ZNF577: variants seen among roughly 807,000 people sequenced by gnomAD.
ZNF577 encodes zinc finger protein 577.
Under a neutral mutation model 13.9 loss-of-function variants are expected in ZNF577, and 14 were observed. The ratio of observed to expected loss-of-function variants is 1.00; its 90% CI spans 0.66 to 1.57. The LOEUF (loss-of-function observed/expected upper bound fraction) is 1.57. ZNF577 is among the 40% of genes most tolerant of loss of function. The probability of loss-of-function intolerance (pLI) is 0.00; values close to 1 mark genes in which losing one functional copy is unlikely to be tolerated. For synonymous variants in ZNF577, 203 were observed against 202.9 expected (o/e 1.00, Z 0.00); for missense variants, 555 against 579.2 (o/e 0.96, Z 0.43).
At position 51,887,666 on chromosome 19, in the gene ZNF577, C is replaced by T. The variant is rs2084971131; in HGVS notation, c.-1064G>A. On this transcript the variant is annotated 5_prime_UTR_variant, in exon 1 of 6. Coordinates refer to ENST00000638348, the MANE Select transcript of ZNF577 (RefSeq NM_001370449.1). ...CCAAGCACTGGTTCCAATGCGGAGACCATGGGCTCCCAGACTCTGGGAACT... is the reference window on the plus strand; with the variant it reads ...CCAAGCACTGGTTCCAATGCGGAGATCATGGGCTCCCAGACTCTGGGAACT... The T allele has an allele frequency of 6.6e-6, 1 of 152,200 alleles. No homozygotes were observed. The highest frequency in any genetic ancestry group is 6.5e-5 in the Admixed American group (1 of 15,290). 9.4% of individuals were successfully genotyped at this position (152,200 alleles called of 1,614,324 possible).
rs1430850169 is a variant in ZNF577 at position 51,873,186 on chromosome 19, T to A, written c.804A>T (p.Lys268Asn). The change falls in exon 6 of 6, where the codon AAA (lysine) becomes AAT (asparagine). Residue 268 changes from lysine to asparagine, a missense_variant. Lys to Asn is a moderately conservative substitution (Grantham distance 94). Transcript: ENST00000638348. ...NRHQRSHTGEKLYGCSVCGKA... is the reference protein window; with the variant it reads ...NRHQRSHTGENLYGCSVCGKA... ...TCCCACACACACTGCACCCATAGAG[T>A]TTCTCTCCAGTATGTGATCGCTGAT... 1.9e-6 allele frequency: 3 copies of A among 1,614,082 alleles called. No individual in the cohort carries two copies. The highest frequency in any genetic ancestry group is 2.5e-6 in the Non-Finnish European group (3 of 1,180,010).
intron 5 of ZNF577, among the ~76,000 whole-genome samples, chr19:51,875,411 T>G (rs1293274377): frequency 6.9e-6 from 1 of 144,892 alleles, no homozygotes; most frequent in African/African-American, 2.5e-5. Context: ...TGCCCTGGCA[T>G]AGTCAAAAAC....
intron 9 of ZNF577, among the ~76,000 whole-genome samples, chr19:51,836,908 G>A (rs2084290215): frequency 6.6e-6 from 1 of 151,930 alleles, no homozygotes; most frequent in African/African-American, 2.4e-5. Flanking sequence ...TACGGGCATG[G>A]TGGCACGCAC....
In ZNF577 at chr19:51,880,376, T is replaced by C. The variant is rs1490182114; in HGVS notation, c.7A>G (p.Asn3Asp). The C allele has an allele frequency of 1.2e-6, 2 of 1,614,000 alleles. No individual in the cohort carries two copies. The highest frequency in any genetic ancestry group is 3.3e-5 in the Admixed American group (2 of 59,994). Reference sequence around the variant, plus strand: ...CTCACAGACATTACAATCGTGGCATTTTTCATGTGTTTCCTGTTATTTCAG... The same window carrying C: ...CTCACAGACATTACAATCGTGGCATCTTTCATGTGTTTCCTGTTATTTCAG... MKNATIVMSVRRE... is the reference protein window; with the variant it reads MKDATIVMSVRRE... Residue 3 changes from asparagine (N) to aspartate (D), a missense_variant, in exon 3 of 6, where the codon AAT becomes GAT. Transcript: ENST00000638348.
In ZNF577 at chr19:51,880,720, C is replaced by T. The variant is rs2084848731; in HGVS notation, c.-61G>A. The T allele has an allele frequency of 1.3e-5, 4 of 301,718 alleles. No homozygotes were observed. The highest frequency in any genetic ancestry group is 2.2e-5 in the African/African-American group (1 of 45,768). 18.7% of individuals were successfully genotyped at this position (301,718 alleles called of 1,614,324 possible). ...TCGTTCAACTCTTAGGGGCTAGCAACTCTAGTATGTTCTCTCTCTTCTGTC... is the reference window on the plus strand; with the variant it reads ...TCGTTCAACTCTTAGGGGCTAGCAATTCTAGTATGTTCTCTCTCTTCTGTC... On this transcript the variant is annotated 5_prime_UTR_variant, in exon 2 of 6. Coordinates refer to ENST00000638348, the MANE Select transcript of ZNF577 (RefSeq NM_001370449.1).
chr19:51,824,005 C>T lies in ZNF577; in HGVS notation c.*600-12331G>A. 3 of 1,614,072 alleles carry T rather than the reference C, an allele frequency of 1.9e-6. No individual in the cohort carries two copies. The highest frequency in any genetic ancestry group is 2.5e-6 in the Non-Finnish European group (3 of 1,179,988). Reference sequence around the variant, plus strand: ...CTACCATTCCGAATGGTCTCAGTCGCCATGAGAGAAAAATGGCCTTTTGGC... The same window carrying T: ...CTACCATTCCGAATGGTCTCAGTCGTCATGAGAGAAAAATGGCCTTTTGGC... On this transcript the variant is annotated intron_variant and NMD_transcript_variant, in intron 9 of 10. Coordinates refer to the ZNF577 transcript ENST00000638827. The surrounding 1 kb of genome is among the most constrained non-coding windows in gnomAD (Gnocchi z 4.7).
At chr19:51,861,787 A>C (rs967618752) in intron 5 of ZNF577, 5 of 152,618 alleles carry the variant, frequency 3.3e-5, no homozygotes, top group African/African-American at 1.2e-4. Flanking sequence ...ATGCTTTCTT[A>C]CAATCACTGC....
downstream of ZNF577, among the ~76,000 whole-genome samples, chr19:51,864,377 T>G (rs931746169): frequency 1.3e-5 from 2 of 152,096 alleles, no homozygotes; most frequent in African/African-American, 4.8e-5. Flanking sequence ...AAACACTGAC[T>G]CCTGCCCCTG....
rs763773350 is a variant in ZNF577, at chr19:51,873,603, T to C, written c.387A>G (p.Gly129=). The C allele has an allele frequency of 1.9e-5, 31 of 1,614,062 alleles. No individual in the cohort carries two copies. Among genetic ancestry groups the C allele is most frequent in the Non-Finnish European group, 2.3e-5 (27 of 1,180,038 alleles). Residue 129 remains glycine, a synonymous_variant, in exon 6 of 6, where the codon GGA becomes GGG. Coordinates refer to ENST00000638348, the MANE Select transcript of ZNF577 (RefSeq NM_001370449.1). The stretch of plus-strand genomic sequence containing the variant: ...GTTTAACACATCTATGGTATTTAAC[T>C]CCAGTAAGAGTTTTGTCACGCTTGA... ...LHIKRDKTLT[G]VKYHRCVKPS...
At chr19:51,885,904 T>C (rs1599881210) in intron 1 of ZNF577, among the ~76,000 whole-genome samples, 1 of 152,192 alleles carries the variant, frequency 6.6e-6, no homozygotes, top group African/African-American at 2.4e-5. Flanking sequence ...CTCTTGATAG[T>C]GGAATGGATA....
intron 9 of ZNF577, among the ~76,000 whole-genome samples, chr19:51,829,595 C>G (rs932161420): frequency 6.6e-6 from 1 of 152,126 alleles, no homozygotes; most frequent in Non-Finnish European, 1.5e-5. Flanking sequence ...CCATCCTGAC[C>G]GATCTCCTAC....
intron 9 of ZNF577, among the ~76,000 whole-genome samples, chr19:51,834,752 C>T (rs1033652138): frequency 1.7e-4 from 26 of 152,122 alleles, no homozygotes; most frequent in African/African-American, 5.3e-4. Context: ...GGCAGAATCA[C>T]GGCTCACTGC....
chr19:51,842,663 A>C (rs2084327567), intron 8 of ZNF577, among the ~76,000 whole-genome samples: 1 of 152,208 alleles, frequency 6.6e-6, no homozygotes, highest in African/African-American at 2.4e-5. Flanking sequence ...AGGAGGAGAA[A>C]TTGTTCATAT....
intron 3 of ZNF577, 96 bp downstream of exon 3, chr19:51,880,227 C>T: frequency 1.6e-6 from 2 of 1,251,790 alleles, no homozygotes; most frequent in Non-Finnish European, 2.3e-6. Flanking sequence ...ACATCCCATG[C>T]CTTTATTACA....
intron 4 of ZNF577, 96 bp from the exon 5 acceptor site, chr19:51,877,473 T>C (rs973239506): frequency 2.2e-5 from 22 of 985,862 alleles, no homozygotes; most frequent in African/African-American, 8.2e-5. Context: ...CATTTGCACT[T>C]TGATAAAGCA....
Position 51,884,178 on chromosome 19 carries a change from G to A in ZNF577, c.-219+2643C>T, listed in dbSNP as rs146654255. On this transcript the variant is annotated intron_variant, in intron 1 of 5. Coordinates refer to ENST00000638348, the MANE Select transcript of ZNF577 (RefSeq NM_001370449.1). The stretch of plus-strand genomic sequence containing the variant: ...CGTAATCCTAGCACTTTGGGAAGCC[G>A]AGGCAGAAGGACTGCTTGAGCCCAG... 9.8e-3 allele frequency among the ~76,000 whole-genome samples: 1,491 copies of A among 152,300 alleles called. 15 individuals are homozygous for A. Among genetic ancestry groups the A allele is most frequent in the South Asian group, 0.019 (94 of 4,828 alleles).
In ZNF577 at chr19:51,871,059, A is replaced by G. The variant is rs77775478; in HGVS notation, c.*1473T>C. ...AAAAAGTTAGTCAATATCCAGGTGC[A>G]TTATGTCATATGCATTCCGTACTCA... On this transcript the variant is annotated 3_prime_UTR_variant, in exon 6 of 6. Coordinates refer to ENST00000638348, the MANE Select transcript of ZNF577 (RefSeq NM_001370449.1). Among the ~76,000 whole-genome samples, 10,013 of 152,232 alleles carry G rather than the reference A, an allele frequency of 0.066. 466 individuals are homozygous for G. Among genetic ancestry groups the G allele is most frequent in the Non-Finnish European group, 0.099 (6,717 of 68,016 alleles).
At chr19:51,836,896 T>C (rs193015389) in intron 9 of ZNF577, among the ~76,000 whole-genome samples, 2 of 151,594 alleles carry the variant, frequency 1.3e-5, no homozygotes, top group Admixed American at 6.6e-5. Flanking sequence ...ATACAAAAAT[T>C]ATACGGGCAT....
At chr19:51,843,846 T>A (rs1284499101) in intron 6 of ZNF577, among the ~76,000 whole-genome samples, 1 of 152,180 alleles carries the variant, frequency 6.6e-6, no homozygotes, top group East Asian at 1.9e-4. Flanking sequence ...TAGTGCGTTC[T>A]AAAGGAAGAA....
Sources: allele counts gnomAD v4.1 joint callset (sites outside exome capture counted in the v4.1 genomes callset), GRCh38; gene constraint gnomAD v4.1.1; non-coding constraint Gnocchi (gnomAD v3.1); transcripts MANE v1.5; gene names NCBI Gene and HGNC (gene_info 2026-07-23, HGNC 2026-07-21).